The following STOM variants were observed in gnomAD, a reference collection of about 807,000 sequenced individuals.
STOM encodes the protein erythrocyte band 7 integral membrane protein.
STOM carries 25 observed loss-of-function variants against 30.6 expected under a neutral mutation model. That is an observed-to-expected ratio of 0.82 (90% CI 0.60 to 1.14). The LOEUF is 1.14. STOM is among the 50% of genes most tolerant of loss of function. STOM has a pLI of 0.00. For synonymous variants in STOM, 118 were observed against 130.8 expected, an observed-to-expected ratio of 0.90 and a Z score of 0.67; for missense variants, 292 against 365.2, an observed-to-expected ratio of 0.80 and a Z score of 1.63.
At chr9:121,348,450 T>C (rs1282641864) in intron 5 of STOM, among the ~76,000 whole-genome samples, 1 of 152,194 alleles carries the variant, frequency 6.6e-6, no homozygotes, top group African/African-American at 2.4e-5. Context: ...ATGGATAATA[T>C]ATAAATAAAT....
intron 6 of STOM, 66 bp from the exon 7 acceptor site, chr9:121,341,474 A>G: frequency 6.2e-7 from 1 of 1,602,204 alleles, no homozygotes. Flanking sequence ...GCACTCTTCA[A>G]CCGGGGGTAT....
chr9:121,350,160 T>C (rs1366211104), intron 4 of STOM, among the ~76,000 whole-genome samples: 3 of 152,178 alleles, frequency 2.0e-5, no homozygotes, highest in Admixed American at 2.0e-4. Flanking sequence ...ATTTAGATAA[T>C]AATAAACAAG....
At chr9:121,352,300 T>C (rs148705268) in intron 4 of STOM, among the ~76,000 whole-genome samples, 38 of 152,356 alleles carry the variant, frequency 2.5e-4, no homozygotes, top group African/African-American at 9.1e-4. Context: ...ATTTGTATTA[T>C]TGTATCATTG....
chr9:121,355,231 C>CAAAAAA (rs762080105), intron 2 of STOM, among the ~76,000 whole-genome samples: 20 of 83,262 alleles, frequency 2.4e-4, no homozygotes, highest in African/African-American at 3.0e-4. Context: ...GACTCCGTCT[C>CAAAAAA]AAAAAAAAAA....
At position 121,370,243 on chromosome 9, in the gene STOM, G is replaced by T; in HGVS notation, c.-56C>A. The T allele has an allele frequency of 6.6e-7, 1 of 1,522,078 alleles. No homozygotes were observed. The allele number at this position is 1,522,078 out of a possible 1,614,324, so 94.3% of individuals were successfully genotyped here. ...CCTCGTTGCCAAACCCGGAGCCGCC[G>T]GGAATGCCCTGAGGAGCCAGAGGCA... On this transcript the variant is annotated 5_prime_UTR_variant, in exon 1 of 7. Coordinates refer to ENST00000286713, the MANE Select transcript of STOM (RefSeq NM_004099.6).
At chr9:121,354,494 T>C in intron 3 of STOM, 107 bp downstream of exon 3, 4 of 842,114 alleles carry the variant, frequency 4.7e-6, no homozygotes, top group Non-Finnish European at 7.3e-6. Context: ...TACTCCAGCC[T>C]GGGCGACGGA....
intron 1 of STOM, among the ~76,000 whole-genome samples, chr9:121,358,087 G>A (rs576169470): frequency 6.6e-6 from 1 of 151,872 alleles, no homozygotes; most frequent in Non-Finnish European, 1.5e-5. Context: ...GATCCCTTGA[G>A]CCCAGGGGTT....
In STOM at chr9:121,340,046, A is replaced by G. The variant is rs2064232184; in HGVS notation, c.*1156T>C. 1 of 974,824 alleles carries G rather than the reference A, an allele frequency of 1.0e-6. No homozygotes were observed. The highest frequency in any genetic ancestry group is 1.8e-5 in the African/African-American group (1 of 57,046). 60.4% of individuals were successfully genotyped at this position (974,824 alleles called of 1,614,324 possible). A position where few individuals can be genotyped will look rare whatever the true frequency, so the allele number is the denominator to read the frequency against. ...AAAAAAGTATTTTAGTCCTTCAGCT[A>G]TTCAAATAGATATATAACAATTGCA... is the stretch of plus-strand genomic sequence containing the variant. On this transcript the variant is annotated 3_prime_UTR_variant, in exon 7 of 7. Transcript: ENST00000286713.
chr9:121,357,452 T>TATATATA (rs1428744396), intron 1 of STOM, among the ~76,000 whole-genome samples: 4 of 144,624 alleles, frequency 2.8e-5, no homozygotes, highest in Non-Finnish European at 6.1e-5. Context: ...TATTTATTTA[T>TATATATA]TTTTTGAGAC....
intron 6 of STOM, among the ~76,000 whole-genome samples, chr9:121,342,253 C>T (rs2064252760): frequency 6.6e-6 from 1 of 151,964 alleles, no homozygotes; most frequent in Non-Finnish European, 1.5e-5. Context: ...ACCTGTAAAC[C>T]CAGCTACTTG....
chr9:121,360,692 C>G (rs2064442881), intron 1 of STOM, among the ~76,000 whole-genome samples: 1 of 152,216 alleles, frequency 6.6e-6, no homozygotes, highest in Non-Finnish European at 1.5e-5. Context: ...TACCTGCCCC[C>G]AGTCTGGCTA....
chr9:121,360,609 G>C (rs2064442146), intron 1 of STOM, among the ~76,000 whole-genome samples: 1 of 152,132 alleles, frequency 6.6e-6, no homozygotes, highest in Non-Finnish European at 1.5e-5. Flanking sequence ...TCTTCATGAA[G>C]AAAAATGGGA....
intron 1 of STOM, among the ~76,000 whole-genome samples, chr9:121,359,478 A>C (rs2064429618): frequency 6.6e-6 from 1 of 152,122 alleles, no homozygotes; most frequent in South Asian, 2.1e-4. Context: ...CATTGAGAGA[A>C]TATTCAAAGC....
rs1309289651 is a variant in STOM, at chr9:121,340,991, T to C, written c.*211A>G. The C allele has an allele frequency of 2.8e-6, 4 of 1,406,662 alleles. No individual in the cohort carries two copies. In the East Asian group the frequency reaches 1.1e-4, roughly 37 times the overall value. 87.1% of individuals were successfully genotyped at this position (1,406,662 alleles called of 1,614,324 possible). On this transcript the variant is annotated 3_prime_UTR_variant, in exon 7 of 7. Transcript: ENST00000286713. The stretch of plus-strand genomic sequence containing the variant: ...TAATCTAAAAATACAAACTTTTAAC[T>C]ATTTTAAGACTAACAGATTACCTTA...
Position 121,339,408 on chromosome 9 carries a change from CTTGAGT to C in STOM, c.*1788_*1793del. 7 of 602,052 alleles carry C rather than the reference CTTGAGT, an allele frequency of 1.2e-5. No individual in the cohort carries two copies. In the East Asian group the frequency reaches 2.7e-4, roughly 23 times the overall value. The allele number at this position is 602,052 out of a possible 1,614,324, so 37.3% of individuals were successfully genotyped here. On this transcript the variant is annotated 3_prime_UTR_variant, in exon 7 of 7. Coordinates refer to ENST00000286713, the MANE Select transcript of STOM (RefSeq NM_004099.6). ...TTTAAAATTCAAAATGTAAGTGCAACTTGAGTTTAAGTTGCACTGCTCCATACCTCT... is the reference window on the plus strand; with the variant it reads ...TTTAAAATTCAAAATGTAAGTGCAACTTAAGTTGCACTGCTCCATACCTCT...
In STOM at chr9:121,349,121, TG is replaced by T. The variant is rs770943145; in HGVS notation, c.523del (p.Gln175SerfsTer13). On this transcript the variant is annotated frameshift_variant and splice_region_variant, in exon 5 of 7. Coordinates refer to ENST00000286713, the MANE Select transcript of STOM (RefSeq NM_004099.6). LOFTEE classifies it high-confidence loss of function. The stretch of plus-strand genomic sequence containing the variant: ...TAACAGCATTGACGTACTCCCCACC[TG>T]CATGTTGTGTGCAATTTCTTCTCTG... ...SDREEIAHNMQSTLDDATDAW... is the reference protein window; with the variant it reads ...SDREEIAHNMXSTLDDATDAW... 1.2e-6 allele frequency: 2 copies of T among 1,614,096 alleles called. No homozygotes were observed. Among genetic ancestry groups the T allele is most frequent in the Non-Finnish European group, 1.7e-6 (2 of 1,179,966 alleles).
intron 1 of STOM, among the ~76,000 whole-genome samples, chr9:121,362,330 T>G (rs2064461634): frequency 6.6e-6 from 1 of 152,230 alleles, no homozygotes; most frequent in Admixed American, 6.5e-5. Context: ...CCTGTATTTT[T>G]TCAATAATGA....
chr9:121,351,638 G>A (rs2064340541), intron 4 of STOM, among the ~76,000 whole-genome samples: 2 of 152,212 alleles, frequency 1.3e-5, no homozygotes, highest in South Asian at 4.1e-4. Flanking sequence ...GGGGCTATGA[G>A]GGAGCTCATG....
intron 1 of STOM, 44 bp downstream of exon 1, chr9:121,370,082 CG>C (rs933788897): frequency 2.0e-6 from 3 of 1,495,968 alleles, no homozygotes; most frequent in Non-Finnish European, 1.8e-6. Flanking sequence ...ACGCTGCGGG[CG>C]GGGGCTCGGT....
Sources: allele counts gnomAD v4.1 joint callset (sites outside exome capture counted in the v4.1 genomes callset), GRCh38; gene constraint gnomAD v4.1.1; transcripts MANE v1.5; gene names NCBI Gene and HGNC (gene_info 2026-07-23, HGNC 2026-07-21).